Variants in TMC1 observed in about 807,000 individuals in gnomAD.
TMC1 encodes the protein transmembrane channel like 1.
TMC1 carries 84 observed loss-of-function variants against 105.8 expected under a neutral mutation model. The ratio of observed to expected loss-of-function variants is 0.79; its 90% CI spans 0.67 to 0.95. The LOEUF is 0.95. Ranked by LOEUF, TMC1 falls within the 40% of genes least tolerant of loss-of-function variation. TMC1 has a pLI of 0.00. For synonymous variants in TMC1, 315 were observed against 311.5 expected (o/e 1.01, Z -0.12); for missense variants, 817 against 914.1 (o/e 0.89, Z 1.37).
At chr9:72,670,133 T>C (rs1826106966) in intron 5 of TMC1, among the ~76,000 whole-genome samples, 1 of 152,194 alleles carries the variant, frequency 6.6e-6, no homozygotes, top group Admixed American at 6.5e-5. Context: ...GTAGTGTTCC[T>C]GCTGACTCTT....
At chr9:72,598,382 C>G (rs1032283685) in intron 2 of TMC1, among the ~76,000 whole-genome samples, 1 of 152,122 alleles carries the variant, frequency 6.6e-6, no homozygotes, top group African/African-American at 2.4e-5. Context: ...ATATCCTTCT[C>G]CTGTTCCTTG....
chr9:72,774,234 C>G (rs1165453918), intron 13 of TMC1, among the ~76,000 whole-genome samples: 1 of 152,086 alleles, frequency 6.6e-6, no homozygotes, highest in Non-Finnish European at 1.5e-5. Flanking sequence ...GTATCTAGAG[C>G]AGCATTGTGC....
chr9:72,549,579 A>G (rs1299971237), intron 1 of TMC1, among the ~76,000 whole-genome samples: 3 of 148,864 alleles, frequency 2.0e-5, no homozygotes, highest in Non-Finnish European at 4.4e-5. Context: ...AGTAGCTAGG[A>G]TTACAGGCAC....
At chr9:72,654,067 GC>G (rs1825851219) in intron 5 of TMC1, among the ~76,000 whole-genome samples, 1 of 152,132 alleles carries the variant, frequency 6.6e-6, no homozygotes, top group South Asian at 2.1e-4. Flanking sequence ...TATATTTGGG[GC>G]TGTTATGAAT....
Position 72,648,633 on chromosome 9 carries a change from A to G in TMC1, c.-16A>G. ...ACTAGCCAGCCACTGAGACCTTCTGACAGGACACCCCCAGGATGTCACCCA... is the reference window on the plus strand; with the variant it reads ...ACTAGCCAGCCACTGAGACCTTCTGGCAGGACACCCCCAGGATGTCACCCA... On this transcript the variant is annotated 5_prime_UTR_variant, in exon 5 of 24. Transcript: ENST00000297784. 1.2e-6 allele frequency: 2 copies of G among 1,612,902 alleles called. No homozygotes were observed. The highest frequency in any genetic ancestry group is 1.7e-6 in the Non-Finnish European group (2 of 1,178,912).
At chr9:72,522,789 GC>G (rs1823336487) in intron 1 of TMC1, among the ~76,000 whole-genome samples, 1 of 152,190 alleles carries the variant, frequency 6.6e-6, no homozygotes, top group Non-Finnish European at 1.5e-5. Context: ...TGTCTGTGGA[GC>G]TGCTGGAACA....
intron 2 of TMC1, among the ~76,000 whole-genome samples, chr9:72,615,909 C>A (rs1035208341): frequency 6.6e-6 from 1 of 151,950 alleles, no homozygotes; most frequent in Non-Finnish European, 1.5e-5. Context: ...TCCGTCACCA[C>A]ACTCAGCTAA....
At chr9:72,789,927 A>C (rs1488284033) in intron 15 of TMC1, among the ~76,000 whole-genome samples, 3 of 152,132 alleles carry the variant, frequency 2.0e-5, no homozygotes, top group African/African-American at 7.2e-5. Flanking sequence ...TCTCCCTCTA[A>C]ATGCTATTCA....
intron 20 of TMC1, among the ~76,000 whole-genome samples, chr9:72,824,382 T>TCCCACAATCGGTGGGTC (rs1828920730): frequency 6.6e-6 from 1 of 152,230 alleles, no homozygotes. Context: ...TTTCCTGGGT[T>TCCCACAATCGGTGGGTC]CCCACAATCG....
intron 1 of TMC1, among the ~76,000 whole-genome samples, chr9:72,526,037 CAG>C (rs1823402605): frequency 1.3e-5 from 2 of 152,018 alleles, no homozygotes; most frequent in South Asian, 4.2e-4. Flanking sequence ...CATTATTGCA[CAG>C]AGTGTCATTC....
At chr9:72,688,475 C>T (rs528233113) in intron 5 of TMC1, among the ~76,000 whole-genome samples, 1 of 152,144 alleles carries the variant, frequency 6.6e-6, no homozygotes, top group African/African-American at 2.4e-5. Flanking sequence ...GGGCTTATAA[C>T]TGTTATGTTT....
intron 2 of TMC1, among the ~76,000 whole-genome samples, chr9:72,592,810 T>C (rs1231435636): frequency 1.3e-5 from 2 of 152,192 alleles, no homozygotes; most frequent in African/African-American, 4.8e-5. Context: ...TGGTGGTTGT[T>C]AAAACTGTGA....
At chr9:72,543,530 C>T (rs1823711895) in intron 1 of TMC1, among the ~76,000 whole-genome samples, 1 of 152,184 alleles carries the variant, frequency 6.6e-6, no homozygotes, top group Non-Finnish European at 1.5e-5. Context: ...CGCCTGTAAT[C>T]CCAGCACTTT....
intron 5 of TMC1, among the ~76,000 whole-genome samples, chr9:72,676,220 GC>G (rs1826199367): frequency 6.6e-6 from 1 of 152,106 alleles, no homozygotes; most frequent in African/African-American, 2.4e-5. Context: ...AATATTTTAT[GC>G]CTAGTCTTTA....
At chr9:72,814,442 C>A (rs1037661749) in intron 18 of TMC1, among the ~76,000 whole-genome samples, 3 of 152,182 alleles carry the variant, frequency 2.0e-5, no homozygotes, top group East Asian at 3.9e-4. Flanking sequence ...GTCAACCAAA[C>A]CTTTTTGCCT....
At chr9:72,786,258 CAT>C (rs1347940636) in intron 13 of TMC1, among the ~76,000 whole-genome samples, 2 of 152,178 alleles carry the variant, frequency 1.3e-5, no homozygotes, top group Non-Finnish European at 2.9e-5. Flanking sequence ...TCCTGGCTAA[CAT>C]GGTGAAACCT....
intron 18 of TMC1, among the ~76,000 whole-genome samples, chr9:72,814,796 G>GT (rs564201988): frequency 2.0e-5 from 3 of 152,120 alleles, no homozygotes; most frequent in Admixed American, 2.0e-4. Flanking sequence ...ATTGAGAATG[G>GT]TTTTGTTGGA....
intron 17 of TMC1, among the ~76,000 whole-genome samples, chr9:72,793,739 A>G (rs1034921446): frequency 1.3e-5 from 2 of 152,142 alleles, no homozygotes; most frequent in African/African-American, 4.8e-5. Context: ...CCAGGGACGG[A>G]TGTGGGGTCC....
At chr9:72,690,876 A>G (rs1427374014) in intron 6 of TMC1, among the ~76,000 whole-genome samples, 1 of 152,006 alleles carries the variant, frequency 6.6e-6, no homozygotes, top group Non-Finnish European at 1.5e-5. Context: ...AGATTTGGGA[A>G]GATTTTGGTT....
Sources: allele counts gnomAD v4.1 joint callset (sites outside exome capture counted in the v4.1 genomes callset), GRCh38; gene constraint gnomAD v4.1.1; transcripts MANE v1.5; gene names NCBI Gene and HGNC (gene_info 2026-07-23, HGNC 2026-07-21).